CARMIL2: variants seen among roughly 807,000 people sequenced by gnomAD.
CARMIL2 encodes capping protein regulator and myosin 1 linker 2, also known as capping protein, Arp2/3 and myosin-I linker protein 2.
Under a neutral mutation model 173.3 loss-of-function variants are expected in CARMIL2, and 96 were observed. The observed-to-expected ratio is 0.55, with a 90% CI of 0.47 to 0.66. The LOEUF (loss-of-function observed/expected upper bound fraction) is 0.66. Ranked by LOEUF, CARMIL2 falls within the 30% of genes least tolerant of loss-of-function variation. The pLI is 0.00. For missense variants in CARMIL2, 1,771 were observed against 1,906.7 expected (o/e 0.93, Z 1.33); for synonymous variants, 830 against 817.1 (o/e 1.02, Z -0.27).
chr16:67,648,059 A>G lies in CARMIL2; in HGVS notation c.1079A>G (p.Tyr360Cys). The change falls in exon 14 of 38, where the codon TAT (tyrosine) becomes TGT (cysteine). Residue 360 changes from tyrosine (Y) to cysteine (C), a missense_variant. By Grantham distance (194) the Tyr-to-Cys change is radical. Transcript: ENST00000334583. The surrounding 1 kb of genome is among the most constrained non-coding windows in gnomAD (Gnocchi z 6.1). ...CCCCTGTCCTCCCTCCAGGGCCTCT[A>G]TAGCTTCCTGAGCCGTCCTAACGTA... ...LGASEDSGGL[Y>C]SFLSRPNVLS... is the part of the protein sequence containing the mutation. 1.9e-6 allele frequency: 3 copies of G among 1,611,978 alleles called. No homozygotes were observed. Among genetic ancestry groups the G allele is most frequent in the Non-Finnish European group, 2.5e-6 (3 of 1,179,218 alleles).
rs770039113 is a variant in CARMIL2 at position 67,649,241 on chromosome 16, C to T, written c.1689-13C>T. 2 of 1,613,366 alleles carry T rather than the reference C, an allele frequency of 1.2e-6. No homozygotes were observed. The highest frequency in any genetic ancestry group is 2.2e-5 in the South Asian group (2 of 91,034). ...CCACCCCTGTCCCCCACAACTGCGG[C>T]CCCTGCCCACAGGGAGACCCTGGAC... On this transcript the variant is annotated splice_polypyrimidine_tract_variant and intron_variant, in intron 18 of 37. Coordinates refer to ENST00000334583, the MANE Select transcript of CARMIL2 (RefSeq NM_001013838.3). The surrounding 1 kb of genome is among the most constrained non-coding windows in gnomAD (Gnocchi z 6.7).
At position 67,652,991 on chromosome 16, in the gene CARMIL2, C is replaced by T. The variant is rs1393103499; in HGVS notation, c.2885-28C>T. ...CCGCCACCTCCCCGGGCTCGGCGCT[C>T]GGTGCTCTTCTGGTGCTGTCCCCTC... On this transcript the variant is annotated intron_variant, in intron 28 of 37. Transcript: ENST00000334583. This position sits in a 1 kb window ranked among gnomAD's most constrained non-coding sequence, Gnocchi z 4.7. 10 of 1,194,340 alleles carry T rather than the reference C, an allele frequency of 8.4e-6. No individual in the cohort carries two copies. The highest frequency in any genetic ancestry group is 1.1e-5 in the Non-Finnish European group (10 of 925,374). The allele number at this position is 1,194,340 out of a possible 1,614,324, so 74.0% of individuals were successfully genotyped here. A position where few individuals can be genotyped will look rare whatever the true frequency, so the allele number is the denominator to read the frequency against.
At position 67,654,572 on chromosome 16, in the gene CARMIL2, C is replaced by A. The variant is rs1445780331; in HGVS notation, c.3462C>A (p.Asp1154Glu). The A allele has an allele frequency of 6.2e-7, 1 of 1,611,038 alleles. No homozygotes were observed. The highest frequency in any genetic ancestry group is 1.3e-5 in the African/African-American group (1 of 74,868). The change falls in exon 31 of 38, where the codon GAC becomes GAA. Residue 1154 changes from aspartate to glutamate, a missense_variant. Asp to Glu is a conservative substitution (Grantham distance 45). Around this residue, in one of 3 missense-constraint regions of CARMIL2, gnomAD observed 817 missense variants for 903.5 expected, o/e 0.90. Coordinates refer to ENST00000334583, the MANE Select transcript of CARMIL2 (RefSeq NM_001013838.3). ...AGGAGCTTGGTGGGGCTGAGGGGGA[C>A]ACCAGCAGCCCTGACCCTGCCGGCA... Reference protein sequence around the residue: ...RGEELGGAEGDTSSPDPAGRS... With the variant: ...RGEELGGAEGETSSPDPAGRS...
Position 67,652,266 on chromosome 16 carries a change from A to G in CARMIL2, c.2744A>G (p.Glu915Gly). 1 of 1,613,366 alleles carries G rather than the reference A, an allele frequency of 6.2e-7. No homozygotes were observed. The highest frequency in any genetic ancestry group is 8.5e-7 in the Non-Finnish European group (1 of 1,179,814). The change falls in exon 27 of 38, where the codon GAG (glutamate) becomes GGG (glycine). Residue 915 changes from glutamate (E) to glycine (G), a missense_variant. Physicochemically the swap from Glu to Gly is moderately conservative, Grantham distance 98. Transcript: ENST00000334583. This position sits in a 1 kb window ranked among gnomAD's most constrained non-coding sequence, Gnocchi z 4.7. ...PPALPAPDGGEPSLLEPGELE... is the reference protein window; with the variant it reads ...PPALPAPDGGGPSLLEPGELE... ...GCCCTACCAGCACCGGATGGAGGTG[A>G]GCCCAGCCTCCTTGAGCCTGGGGAA...
Position 67,653,095 on chromosome 16 carries a change from C to T in CARMIL2, c.2961C>T (p.Ser987=). 8.4e-7 allele frequency: 1 copy of T among 1,186,148 alleles called. No homozygotes were observed. 73.5% of individuals were successfully genotyped at this position (1,186,148 alleles called of 1,614,324 possible). The change falls in exon 29 of 38, where the codon TCC becomes TCT. Residue 987 remains serine, a synonymous_variant. Coordinates refer to ENST00000334583, the MANE Select transcript of CARMIL2 (RefSeq NM_001013838.3). The surrounding 1 kb of genome is among the most constrained non-coding windows in gnomAD (Gnocchi z 7.4). ...ATGCAGAGCCGCAGGCGGGGCCGTC[C>T]GCGCGCGGCTCTCCGAGCCCTGCCG... is the stretch of plus-strand genomic sequence containing the variant. ...GEDAEPQAGP[S]ARGSPSPAAP...
rs374166923 is a variant in CARMIL2 at position 67,646,922 on chromosome 16, G to A, written c.560G>A (p.Arg187His). ...IQWDVDTIYH[R>H]QGCRHFSLGD... ...CAGGACGTGGACACCATTTACCATC[G>A]CCAGGGCTGCCGCCATTTCAGCCTG... is the stretch of plus-strand genomic sequence containing the variant. Residue 187 changes from arginine to histidine, a missense_variant, in exon 8 of 38, where the codon CGC becomes CAC. Transcript: ENST00000334583. The surrounding 1 kb of genome is among the most constrained non-coding windows in gnomAD (Gnocchi z 4.6). The A allele has an allele frequency of 1.2e-4, 199 of 1,613,418 alleles. No homozygotes were observed. The highest frequency in any genetic ancestry group is 1.2e-4 in the Admixed American group (7 of 60,002).
rs372953959 is a variant in CARMIL2 at position 67,656,306 on chromosome 16, G to A, written c.3814+7G>A. 4 of 1,613,990 alleles carry A rather than the reference G, an allele frequency of 2.5e-6. 1 individual carries two copies. The highest frequency in any genetic ancestry group is 2.2e-5 in the South Asian group (2 of 91,086). The stretch of plus-strand genomic sequence containing the variant: ...ACCCACTCTGTGTCTGCTGGTGAGT[G>A]AGGGCCACTGTGTGTGTTGGTAGTG... On this transcript the variant is annotated splice_region_variant and intron_variant, in intron 34 of 37. Transcript: ENST00000334583.
chr16:67,654,089 G>GA, intron 29 of CARMIL2, 60 bp from the exon 30 acceptor site: 1 of 1,110,556 alleles, frequency 9.0e-7, no homozygotes, highest in Non-Finnish European at 1.3e-6. Flanking sequence ...CCGGGGGGGG[G>GA]GGGGGGTAGA....
rs1336597334 is a variant in CARMIL2 at position 67,645,221 on chromosome 16, T to C, written c.-26T>C. On this transcript the variant is annotated 5_prime_UTR_variant, in exon 1 of 38. Transcript: ENST00000334583. ...CTCTGCTGTTTCCCGCCGGAGCTCG[T>C]TGGGCCTCCCCGGCCCGCCCGGCCC... 7 of 1,564,546 alleles carry C rather than the reference T, an allele frequency of 4.5e-6. No homozygotes were observed. The highest frequency in any genetic ancestry group is 1.4e-5 in the African/African-American group (1 of 74,054).
rs376177887 is a variant in CARMIL2 at position 67,646,724 on chromosome 16, G to A, written c.477G>A (p.Leu159=). The change falls in exon 7 of 38, where the codon TTG becomes TTA. Residue 159 remains leucine, a synonymous_variant. Coordinates refer to ENST00000334583, the MANE Select transcript of CARMIL2 (RefSeq NM_001013838.3). The surrounding 1 kb of genome is among the most constrained non-coding windows in gnomAD (Gnocchi z 4.6). ...CTATCCCCTCCCCAGGTGGCTTCTTGGAGACATACGAGGCTCTGTGTGACT... is the reference window on the plus strand; with the variant it reads ...CTATCCCCTCCCCAGGTGGCTTCTTAGAGACATACGAGGCTCTGTGTGACT... ...TDPCSPCGGF[L]ETYEALCDYN... The A allele has an allele frequency of 6.2e-7, 1 of 1,613,840 alleles. No individual in the cohort carries two copies. Among genetic ancestry groups the A allele is most frequent in the African/African-American group, 1.3e-5 (1 of 74,934 alleles).
chr16:67,648,470 G>A lies in CARMIL2; in HGVS notation c.1407G>A (p.Leu469=). 6.9e-7 allele frequency: 1 copy of A among 1,440,006 alleles called. No individual in the cohort carries two copies. Among genetic ancestry groups the A allele is most frequent in the African/African-American group, 1.5e-5 (1 of 67,576 alleles). The allele number at this position is 1,440,006 out of a possible 1,614,324, so 89.2% of individuals were successfully genotyped here. A position where few individuals can be genotyped will look rare whatever the true frequency, so the allele number is the denominator to read the frequency against. ...CGCGGACGCTGCGGCACCTGGGCCTGGCGGGCTGCAAGCTGCCGCCCGACG... is the reference window on the plus strand; with the variant it reads ...CGCGGACGCTGCGGCACCTGGGCCTAGCGGGCTGCAAGCTGCCGCCCGACG... ...SRARTLRHLG[L]AGCKLPPDAL... Residue 469 remains leucine (L), a synonymous_variant, in exon 15 of 38, where the codon CTG becomes CTA. Transcript: ENST00000334583. This position sits in a 1 kb window ranked among gnomAD's most constrained non-coding sequence, Gnocchi z 6.1.
chr16:67,653,364 G>T lies in CARMIL2; in HGVS notation c.3120+110G>T, dbSNP rs2052767379. 5 of 379,676 alleles carry T rather than the reference G, an allele frequency of 1.3e-5. No individual in the cohort carries two copies. Among genetic ancestry groups the T allele is most frequent in the Non-Finnish European group, 1.9e-5 (5 of 263,548 alleles). 23.5% of individuals were successfully genotyped at this position (379,676 alleles called of 1,614,324 possible). ...GGAGAGGGGGTGGTGGGGGCCCAAGGCCACCTGGTCGTGCGGCCGCGGTCA... is the reference window on the plus strand; with the variant it reads ...GGAGAGGGGGTGGTGGGGGCCCAAGTCCACCTGGTCGTGCGGCCGCGGTCA... On this transcript the variant is annotated intron_variant, in intron 29 of 37. Transcript: ENST00000334583. The surrounding 1 kb of genome is among the most constrained non-coding windows in gnomAD (Gnocchi z 7.4).
chr16:67,651,377 C>A lies in CARMIL2; in HGVS notation c.2314-24C>A. On this transcript the variant is annotated intron_variant, in intron 23 of 37. Coordinates refer to ENST00000334583, the MANE Select transcript of CARMIL2 (RefSeq NM_001013838.3). This position sits in a 1 kb window ranked among gnomAD's most constrained non-coding sequence, Gnocchi z 4.2. Reference sequence around the variant, plus strand: ...CTCTTAGTCAGGTGTCAGCTCGCAACTGCTTTTCCTCTTTGGCCCTCAGAT... The same window carrying A: ...CTCTTAGTCAGGTGTCAGCTCGCAAATGCTTTTCCTCTTTGGCCCTCAGAT... 6.3e-7 allele frequency: 1 copy of A among 1,599,418 alleles called. No homozygotes were observed. Among genetic ancestry groups the A allele is most frequent in the Non-Finnish European group, 8.5e-7 (1 of 1,169,890 alleles).
At position 67,647,534 on chromosome 16, in the gene CARMIL2, C is replaced by G; in HGVS notation, c.803C>G (p.Ala268Gly). The G allele has an allele frequency of 1.2e-6, 2 of 1,608,910 alleles. No homozygotes were observed. The highest frequency in any genetic ancestry group is 8.5e-7 in the Non-Finnish European group (1 of 1,177,992). The change falls in exon 11 of 38, where the codon GCG (alanine) becomes GGG (glycine). Residue 268 changes from alanine to glycine, a missense_variant. Around this residue, in one of 3 missense-constraint regions of CARMIL2, gnomAD observed 944 missense variants for 975.6 expected, o/e 0.97. Transcript: ENST00000334583. ...RGDFVRRLAQ[A>G]LAGHSSSGLR... ...GACTTTGTCCGACGACTGGCCCAGG[C>G]GCTGGCGGGACACTCAAGCTCTGGG...
Position 67,652,644 on chromosome 16 carries a change from C to A in CARMIL2, c.2884+106C>A. The A allele has an allele frequency of 8.8e-7, 1 of 1,131,966 alleles. No individual in the cohort carries two copies. The highest frequency in any genetic ancestry group is 2.5e-5 in the East Asian group (1 of 39,552). 70.1% of individuals were successfully genotyped at this position (1,131,966 alleles called of 1,614,324 possible). On this transcript the variant is annotated intron_variant, in intron 28 of 37. Transcript: ENST00000334583. The surrounding 1 kb of genome is among the most constrained non-coding windows in gnomAD (Gnocchi z 4.7). ...AACTCATTCAGCCTTGTCTGGGTAC[C>A]CACCAGCCCTTGACTGGGCCAGGTC... is the stretch of plus-strand genomic sequence containing the variant.
chr16:67,651,138 G>A lies in CARMIL2; in HGVS notation c.2185-49G>A. 1.9e-6 allele frequency: 3 copies of A among 1,586,360 alleles called. No individual in the cohort carries two copies. The highest frequency in any genetic ancestry group is 2.6e-6 in the Non-Finnish European group (3 of 1,164,102). On this transcript the variant is annotated intron_variant, in intron 22 of 37. Transcript: ENST00000334583. The surrounding 1 kb of genome is among the most constrained non-coding windows in gnomAD (Gnocchi z 4.2). ...CCTGGGAGGAAGGCAGGCAGGATCT[G>A]GGAGACTGGGAGGGGGCTAGGCTGA...
In CARMIL2 at chr16:67,657,216, C is replaced by G. The variant is rs1214129160; in HGVS notation, c.4118-23C>G. ...AGACCCCAAGCCTTAGCAACCCACCCCAAGCCTTTCTGTGTCCCTTAGAAC... is the reference window on the plus strand; with the variant it reads ...AGACCCCAAGCCTTAGCAACCCACCGCAAGCCTTTCTGTGTCCCTTAGAAC... On this transcript the variant is annotated intron_variant, in intron 36 of 37. Coordinates refer to ENST00000334583, the MANE Select transcript of CARMIL2 (RefSeq NM_001013838.3). The surrounding 1 kb of genome is among the most constrained non-coding windows in gnomAD (Gnocchi z 4.5). 6.2e-7 allele frequency: 1 copy of G among 1,611,278 alleles called. No individual in the cohort carries two copies. Among genetic ancestry groups the G allele is most frequent in the Admixed American group, 1.7e-5 (1 of 59,794 alleles).
intron 34 of CARMIL2, 45 bp downstream of exon 34, chr16:67,656,344 G>C: frequency 1.2e-6 from 2 of 1,612,292 alleles, no homozygotes; most frequent in East Asian, 2.2e-5. Flanking sequence ...AGCAGGGACA[G>C]GCAGGAGTTG....
At chr16:67,656,349 G>A (rs1466072964) in intron 34 of CARMIL2, 50 bp downstream of exon 34, 2 of 1,611,452 alleles carry the variant, frequency 1.2e-6, no homozygotes, top group East Asian at 4.5e-5. Context: ...GGACAGGCAG[G>A]AGTTGGGTCA....
Sources: gnomAD v4.1 joint callset for allele counts on GRCh38, gnomAD v4.1.1 for gene constraint, gnomAD v4.1.1 regional missense constraint, Gnocchi (gnomAD v3.1) non-coding constraint, MANE v1.5 for transcripts, NCBI Gene and HGNC (gene_info 2026-07-23, HGNC 2026-07-21) for gene names.